Variants in USP40 observed in about 807,000 individuals in gnomAD.
USP40 encodes the protein ubiquitin carboxyl-terminal hydrolase 40.
A neutral mutation model predicts 166.2 loss-of-function variants in USP40; 143 were observed. That is an observed-to-expected ratio of 0.86 (90% confidence interval 0.75 to 0.99). The LOEUF is 0.99. Ranked by LOEUF, USP40 falls within the 50% of genes least tolerant of loss-of-function variation. The probability of loss-of-function intolerance (pLI) is 0.00; values close to 1 mark genes in which losing one functional copy is unlikely to be tolerated. For synonymous variants in USP40, 498 were observed against 524.0 expected (o/e 0.95, Z 0.68); for missense variants, 1,444 against 1,479.7 (o/e 0.98, Z 0.40).
chr2:233,492,148 G>A (rs544856108), intron 25 of USP40, among the ~76,000 whole-genome samples: 9 of 152,310 alleles, frequency 5.9e-5, no homozygotes, highest in African/African-American at 2.2e-4. Flanking sequence ...TATTTTCACT[G>A]TACCTTTTTC....
Position 233,540,706 on chromosome 2 carries a change from A to T in USP40, c.1126T>A (p.Ser376Thr). The T allele has an allele frequency of 6.2e-7, 1 of 1,613,328 alleles. No individual in the cohort carries two copies. The part of the protein sequence containing the change: ...GQKLLKKIGI[S>T]WNKKYRKQHG... ...TGTTTTCTGTACTTCTTGTTCCAAG[A>T]TATTCCTATCTTTTTCAAAAGTTTC... Residue 376 changes from serine (S) to threonine (T), a missense_variant, in exon 10 of 32, where the codon TCT (serine) becomes ACT (threonine). Ser to Thr is a moderately conservative substitution (Grantham distance 58, BLOSUM62 1). Transcript: ENST00000678225.
At position 233,486,928 on chromosome 2, in the gene USP40, A is replaced by C. The variant is rs1201330980; in HGVS notation, c.3198-951T>G. 6.6e-6 allele frequency among the ~76,000 whole-genome samples: 1 copy of C among 152,186 alleles called. No homozygotes were observed. Among genetic ancestry groups the C allele is most frequent in the Non-Finnish European group, 1.5e-5 (1 of 68,036 alleles). Reference sequence around the variant, plus strand: ...ATGCTGAAGTTGCCAAGGAGGGGACAGAGGCTGCTGGAGAGAAACAGGAGG... The same window carrying C: ...ATGCTGAAGTTGCCAAGGAGGGGACCGAGGCTGCTGGAGAGAAACAGGAGG... On this transcript the variant is annotated intron_variant, in intron 28 of 31. Coordinates refer to ENST00000678225, the MANE Select transcript of USP40 (RefSeq NM_001365479.2). The surrounding 1 kb of genome is among the most constrained non-coding windows in gnomAD (Gnocchi z 4.0).
chr2:233,561,098 C>A, intron 3 of USP40: 2 of 1,512,198 alleles, frequency 1.3e-6, no homozygotes, highest in Non-Finnish European at 1.8e-6. Context: ...CCACTTAATT[C>A]CTTCTTTAAA....
intron 30 of USP40, among the ~76,000 whole-genome samples, chr2:233,483,036 A>G (rs969891009): frequency 2.6e-5 from 4 of 152,208 alleles, no homozygotes; most frequent in African/African-American, 7.2e-5. Context: ...TCTGCTGTCT[A>G]TGCTGGAGAA....
rs147999667 is a variant in USP40, at chr2:233,531,877, C to T, written c.1471+1602G>A. Among the ~76,000 whole-genome samples, 976 of 152,262 alleles carry T rather than the reference C, an allele frequency of 6.4e-3. 4 individuals are homozygous for T. The highest frequency in any genetic ancestry group is 0.022 in the African/African-American group (923 of 41,542). ...AAGTGATCGAAAAATCTTACTAGGC[C>T]TCATGCCTGTAATCCCAGTGAGGCA... is the stretch of plus-strand genomic sequence containing the variant. On this transcript the variant is annotated intron_variant, in intron 11 of 31. Coordinates refer to ENST00000678225, the MANE Select transcript of USP40 (RefSeq NM_001365479.2).
intron 5 of USP40, among the ~76,000 whole-genome samples, chr2:233,554,744 A>G (rs1208776314): frequency 6.6e-6 from 1 of 152,212 alleles, no homozygotes; most frequent in African/African-American, 2.4e-5. Context: ...TCAGAAAAAT[A>G]TAAGAAAAGT....
At chr2:233,492,407 T>C (rs2065406351) in intron 25 of USP40, among the ~76,000 whole-genome samples, 1 of 152,262 alleles carries the variant, frequency 6.6e-6, no homozygotes, top group African/African-American at 2.4e-5. Context: ...ATTTCCCATG[T>C]GTTGTGTACA....
chr2:233,485,850 C>G lies in USP40; in HGVS notation c.3325G>C (p.Asp1109His), dbSNP rs201966113. The G allele has an allele frequency of 1.9e-6, 3 of 1,610,384 alleles. No homozygotes were observed. In the Admixed American group the frequency reaches 5.0e-5, roughly 27 times the overall value. ...TTCTCCACGGGAAGACGATAGAAATCGGCAACTCTCTGCCTCAGGGAGCCG... is the reference window on the plus strand; with the variant it reads ...TTCTCCACGGGAAGACGATAGAAATGGGCAACTCTCTGCCTCAGGGAGCCG... ...TAGSLRQRVA[D>H]FYRLPVEKIE... Residue 1109 changes from aspartate to histidine, a missense_variant, in exon 29 of 32, where the codon GAT becomes CAT. Transcript: ENST00000678225.
intron 17 of USP40, among the ~76,000 whole-genome samples, chr2:233,520,621 C>T (rs1385445219): frequency 6.6e-6 from 1 of 151,968 alleles, no homozygotes; most frequent in African/African-American, 2.4e-5. Flanking sequence ...AAGTCCACAA[C>T]ACAAAACCAA....
chr2:233,492,935 C>A (rs75001018), intron 25 of USP40: 2,023 of 165,044 alleles, frequency 0.012, 41 homozygotes, highest in East Asian at 0.079. Flanking sequence ...CATGCTTGTA[C>A]TTGTCTATGT....
chr2:233,487,680 G>A (rs755905369), intron 28 of USP40: 9 of 207,958 alleles, frequency 4.3e-5, no homozygotes, highest in Non-Finnish European at 6.9e-5. Flanking sequence ...GAACAAGATG[G>A]TTTGATTGTA....
Position 233,499,875 on chromosome 2 carries a change from T to C in USP40, c.2650+4A>G. ...GTAATATGTCATCATGGTAAGTAAC[T>C]TACCTTGTAGGCCAGATTTCTTCAG... On this transcript the variant is annotated splice_donor_region_variant and intron_variant, in intron 22 of 31. Coordinates refer to ENST00000678225, the MANE Select transcript of USP40 (RefSeq NM_001365479.2). The C allele has an allele frequency of 1.9e-6, 3 of 1,611,476 alleles. No homozygotes were observed. Among genetic ancestry groups the C allele is most frequent in the Non-Finnish European group, 2.5e-6 (3 of 1,178,924 alleles).
At position 233,543,236 on chromosome 2, in the gene USP40, A is replaced by C. The variant is rs75368078; in HGVS notation, c.967-873T>G. Among the ~76,000 whole-genome samples, 967 of 152,374 alleles carry C rather than the reference A, an allele frequency of 6.3e-3. 22 individuals are homozygous for C. In the East Asian group the frequency reaches 0.084, roughly 13 times the overall value. ...CAGATAGTCCTAAACAATGCAAGCC[A>C]AAAATAAATAATCAATAAGTGATGG... is the stretch of plus-strand genomic sequence containing the variant. On this transcript the variant is annotated intron_variant, in intron 8 of 31. Coordinates refer to ENST00000678225, the MANE Select transcript of USP40 (RefSeq NM_001365479.2).
chr2:233,527,658 G>T, intron 12 of USP40, 80 bp from the exon 13 acceptor site: 1 of 1,285,840 alleles, frequency 7.8e-7, no homozygotes, highest in Non-Finnish European at 1.0e-6. Flanking sequence ...AAGATATCTG[G>T]CTTACAATAA....
chr2:233,551,340 G>T, intron 7 of USP40, 36 bp downstream of exon 7: 1 of 1,560,604 alleles, frequency 6.4e-7, no homozygotes, highest in South Asian at 1.2e-5. Flanking sequence ...TCTTGAGAGG[G>T]GAAAAGAAAG....
chr2:233,554,725 T>TA (rs1262933389), intron 5 of USP40, among the ~76,000 whole-genome samples, 199 bp from the exon 6 acceptor site: 3 of 152,292 alleles, frequency 2.0e-5, no homozygotes, highest in South Asian at 2.1e-4. Context: ...TAATTTAGCT[T>TA]AAAATCTATC....
chr2:233,544,332 T>C (rs1477728396), intron 8 of USP40, among the ~76,000 whole-genome samples: 1 of 152,152 alleles, frequency 6.6e-6, no homozygotes, highest in Non-Finnish European at 1.5e-5. Flanking sequence ...CATGAAAATG[T>C]GTTCACCAAC....
chr2:233,482,809 C>G (rs1365191747), intron 30 of USP40, among the ~76,000 whole-genome samples: 1 of 152,104 alleles, frequency 6.6e-6, no homozygotes, highest in African/African-American at 2.4e-5. Flanking sequence ...GTTGGGATTA[C>G]AGGCGTGAGC....
chr2:233,550,047 T>C (rs1372332723), intron 7 of USP40, among the ~76,000 whole-genome samples: 1 of 152,150 alleles, frequency 6.6e-6, no homozygotes, highest in African/African-American at 2.4e-5. Flanking sequence ...TAAAACTACA[T>C]GATATAAGCT....
Sources: gnomAD v4.1 joint callset for allele counts (sites outside exome capture counted in the v4.1 genomes callset) on GRCh38, gnomAD v4.1.1 for gene constraint, Gnocchi (gnomAD v3.1) non-coding constraint, MANE v1.5 for transcripts, NCBI Gene and HGNC (gene_info 2026-07-23, HGNC 2026-07-21) for gene names.